Variants in MYMX observed in about 807,000 individuals in gnomAD.
MYMX encodes protein myomixer.
chr6:44,212,498 T>C (rs2128329795), upstream of MYMX, among the ~76,000 whole-genome samples: 1 of 152,092 alleles, frequency 6.6e-6, no homozygotes, highest in East Asian at 1.9e-4. Context: ...AGGTGATATA[T>C]AAGCCGATTA....
chr6:44,202,515 T>G, the MYMX span, among the ~76,000 whole-genome samples: 1 of 150,658 alleles, frequency 6.6e-6, no homozygotes, highest in Non-Finnish European at 1.5e-5. Context: ...GAGGCAGAGG[T>G]CAGGGAAGTG....
At chr6:44,203,766 G>C in the MYMX span, among the ~76,000 whole-genome samples, 1 of 152,004 alleles carries the variant, frequency 6.6e-6, no homozygotes, top group Admixed American at 6.6e-5. Flanking sequence ...AGTATTTATT[G>C]CCAAGCACTG....
the MYMX span, among the ~76,000 whole-genome samples, chr6:44,203,407 A>G: frequency 6.6e-6 from 1 of 152,188 alleles, no homozygotes; most frequent in African/African-American, 2.4e-5. Context: ...GGAAAAAGAG[A>G]CAAAAGTTAC....
chr6:44,209,137 T>C, the MYMX span, among the ~76,000 whole-genome samples: 4 of 152,168 alleles, frequency 2.6e-5, no homozygotes, highest in Admixed American at 2.0e-4. Context: ...CTAATTTTTG[T>C]ATTTTTGGTA....
the MYMX span, among the ~76,000 whole-genome samples, chr6:44,198,311 C>T: frequency 2.7e-5 from 4 of 149,264 alleles, no homozygotes; most frequent in Admixed American, 6.7e-5. Context: ...TACAGGTGCC[C>T]GCCACTACCA....
At chr6:44,195,143 C>T in the MYMX span, among the ~76,000 whole-genome samples, 7 of 152,164 alleles carry the variant, frequency 4.6e-5, no homozygotes, top group Admixed American at 3.9e-4. Context: ...CTCAGCCTCC[C>T]GAGTAGCTGG....
the MYMX span, among the ~76,000 whole-genome samples, chr6:44,202,351 G>C: frequency 4.6e-5 from 7 of 151,988 alleles, no homozygotes; most frequent in Admixed American, 4.6e-4. Flanking sequence ...CTGGGGAGTG[G>C]ACCACAAAGG....
At chr6:44,213,472 A>G (rs1271174326), upstream of MYMX, among the ~76,000 whole-genome samples, 1 of 136,018 alleles carries the variant, frequency 7.4e-6, no homozygotes, top group East Asian at 2.1e-4. Flanking sequence ...CCCAGGCTGG[A>G]GTGCAATGGC....
the MYMX span, among the ~76,000 whole-genome samples, chr6:44,204,419 A>G: frequency 6.6e-6 from 1 of 152,184 alleles, no homozygotes; most frequent in East Asian, 1.9e-4. Context: ...GGCTCAGGAC[A>G]TACCACTCCA....
chr6:44,197,913 G>A, the MYMX span, among the ~76,000 whole-genome samples: 1 of 151,902 alleles, frequency 6.6e-6, no homozygotes, highest in Non-Finnish European at 1.5e-5. Context: ...TATGTTACTT[G>A]TAATTGATAC....
the MYMX span, among the ~76,000 whole-genome samples, chr6:44,195,402 C>T: frequency 2.6e-5 from 4 of 152,178 alleles, no homozygotes; most frequent in Non-Finnish European, 5.9e-5. Context: ...GCCATCTCTG[C>T]CCGTTCTCCC....
At chr6:44,194,065 C>T in the MYMX span, among the ~76,000 whole-genome samples, 66 of 152,272 alleles carry the variant, frequency 4.3e-4, no homozygotes, top group African/African-American at 1.4e-3. Flanking sequence ...AATGTAGCAG[C>T]TCTTTAAAAA....
chr6:44,200,333 T>C, the MYMX span, among the ~76,000 whole-genome samples: 5 of 152,088 alleles, frequency 3.3e-5, no homozygotes, highest in East Asian at 7.7e-4. Context: ...TTTTTATTTT[T>C]AGACAGAGTC....
upstream of MYMX, among the ~76,000 whole-genome samples, chr6:44,212,085 G>T (rs1278012880): frequency 6.6e-6 from 1 of 152,020 alleles, no homozygotes; most frequent in Non-Finnish European, 1.5e-5. Flanking sequence ...TAAAAGAGAG[G>T]ATTTAAAATG....
the MYMX span, among the ~76,000 whole-genome samples, chr6:44,195,399 C>T: frequency 6.6e-6 from 1 of 152,184 alleles, no homozygotes; most frequent in African/African-American, 2.4e-5. Context: ...ATCGCCATCT[C>T]TGCCCGTTCT....
At chr6:44,203,001 C>A in the MYMX span, among the ~76,000 whole-genome samples, 1 of 152,250 alleles carries the variant, frequency 6.6e-6, no homozygotes. Context: ...GAAGATCCCA[C>A]AGCTATGGAA....
the MYMX span, among the ~76,000 whole-genome samples, chr6:44,200,053 G>A: frequency 1.3e-5 from 2 of 151,806 alleles, no homozygotes; most frequent in African/African-American, 2.4e-5. Context: ...CTGTAGTCCC[G>A]GCTACTCAGG....
At chr6:44,202,241 TCACACAGTTGG>T in the MYMX span, among the ~76,000 whole-genome samples, 9 of 152,158 alleles carry the variant, frequency 5.9e-5, no homozygotes, top group Non-Finnish European at 1.3e-4. Flanking sequence ...GCACGGGCTT[TCACACAGTTGG>T]CACACAATGT....
chr6:44,214,019 A>G (rs1775737658), upstream of MYMX, among the ~76,000 whole-genome samples: 2 of 152,132 alleles, frequency 1.3e-5, no homozygotes, highest in Non-Finnish European at 2.9e-5. Context: ...GAGTCTCACT[A>G]TGTTGCCCTG....
Sources: gnomAD v4.1 joint callset for allele counts (sites outside exome capture counted in the v4.1 genomes callset) on GRCh38, gnomAD v4.1.1 for gene constraint, MANE v1.5 for transcripts, NCBI Gene and HGNC (gene_info 2026-07-23, HGNC 2026-07-21) for gene names.